CLCF1: variants seen among roughly 807,000 people sequenced by gnomAD.
The protein encoded by CLCF1 is cardiotrophin like cytokine factor 1.
CLCF1 carries 10 observed loss-of-function variants against 21.2 expected under a neutral mutation model. The ratio of observed to expected loss-of-function variants is 0.47; its 90% CI spans 0.29 to 0.80. CLCF1 has a LOEUF of 0.80. Ranked by LOEUF, CLCF1 falls within the 30% of genes least tolerant of loss-of-function variation. The pLI, the probability that CLCF1 is intolerant of heterozygous loss-of-function variation, is 0.09. For synonymous variants in CLCF1, 115 were observed against 120.5 expected (o/e 0.95, Z 0.30); for missense variants, 240 against 293.4 (o/e 0.82, Z 1.33).
At chr11:67,369,426 T>C (rs1430657653) in intron 1 of CLCF1, 2 of 985,400 alleles carry the variant, frequency 2.0e-6, no homozygotes, top group Non-Finnish European at 2.4e-6. Context: ...CCTCTGAGCT[T>C]GTGGCTTCCT....
chr11:67,365,604 G>C lies in CLCF1; in HGVS notation c.210C>G (p.Asn70Lys), dbSNP rs763640141. Residue 70 changes from asparagine to lysine, a missense_variant, in exon 3 of 3, where the codon AAC (asparagine) becomes AAG (lysine). By Grantham distance (94) the Asn-to-Lys change is moderately conservative. Transcript: ENST00000312438. This position sits in a 1 kb window ranked among gnomAD's most constrained non-coding sequence, Gnocchi z 5.0. ...GGCGGGGAGGGTTGAAGTCTGGCTC[G>C]TTGAAAGGGGGGCCCAGGTAGTTCA... ...TYLNYLGPPF[N>K]EPDFNPPRLG... 3 of 1,612,380 alleles carry C rather than the reference G, an allele frequency of 1.9e-6. No individual in the cohort carries two copies. The South Asian group carries it at 3.3e-5, about 18-fold the overall frequency.
Position 67,368,418 on chromosome 11 carries a change from T to C in CLCF1, c.17-792A>G, listed in dbSNP as rs1862162038. 9.1e-6 allele frequency: 9 copies of C among 985,228 alleles called. No individual in the cohort carries two copies. In the South Asian group the frequency reaches 4.2e-4, roughly 46 times the overall value. The allele number at this position is 985,228 out of a possible 1,614,324, so 61.0% of individuals were successfully genotyped here. On this transcript the variant is annotated intron_variant, in intron 1 of 2. Coordinates refer to ENST00000312438, the MANE Select transcript of CLCF1 (RefSeq NM_013246.3). ...GGACAGGAAGGGAGAGAGGTGCATT[T>C]GACGAGTCGGGCTTGTTGGCTGATG...
At position 67,372,337 on chromosome 11, in the gene CLCF1, G is replaced by A. The variant is rs1862254571; in HGVS notation, c.16+1187C>T. ...GGGTCCTCTGGGATTGGGAGGGTCT[G>A]TGGGGAGGGCTCCAGAAGCCCAGCA... On this transcript the variant is annotated intron_variant, in intron 1 of 2. Transcript: ENST00000312438. The surrounding 1 kb of genome is among the most constrained non-coding windows in gnomAD (Gnocchi z 5.9). 6.6e-6 allele frequency among the ~76,000 whole-genome samples: 1 copy of A among 152,108 alleles called. No individual in the cohort carries two copies. Among genetic ancestry groups the A allele is most frequent in the African/African-American group, 2.4e-5 (1 of 41,430 alleles).
chr11:67,373,488 G>T (rs1862281616), intron 1 of CLCF1, 36 bp downstream of exon 1: 12 of 1,133,438 alleles, frequency 1.1e-5, no homozygotes, highest in Non-Finnish European at 4.9e-6. Context: ...CTGCTTGGCG[G>T]GGCGGGGGTC....
At chr11:67,369,077 G>A in intron 1 of CLCF1, 1 of 985,134 alleles carries the variant, frequency 1.0e-6, no homozygotes, top group Non-Finnish European at 1.2e-6. Context: ...TTGGATTCAA[G>A]AAAGAATGAA....
chr11:67,369,457 C>T, intron 1 of CLCF1: 1 of 985,456 alleles, frequency 1.0e-6, no homozygotes, highest in Non-Finnish European at 1.2e-6. Flanking sequence ...GCTTTCCTCA[C>T]TCTTCCTTTC....
In CLCF1 at chr11:67,364,461, A is replaced by C. The variant is rs1387184646; in HGVS notation, c.*675T>G. ...AAGAGGCACCGTAATACTGGAAGAC[A>C]ATTCGAGGCAAGGTCCTGATGCTCA... On this transcript the variant is annotated 3_prime_UTR_variant, in exon 3 of 3. Coordinates refer to ENST00000312438, the MANE Select transcript of CLCF1 (RefSeq NM_013246.3). 1 of 152,690 alleles carries C rather than the reference A, an allele frequency of 6.5e-6. No homozygotes were observed. The highest frequency in any genetic ancestry group is 2.4e-5 in the African/African-American group (1 of 41,416). The allele number at this position is 152,690 out of a possible 1,614,324, so 9.5% of individuals were successfully genotyped here.
chr11:67,370,503 G>A (rs1862206613), intron 1 of CLCF1: 1 of 982,556 alleles, frequency 1.0e-6, no homozygotes. Flanking sequence ...CTGAGCACGT[G>A]AGGAGCTAAC....
At chr11:67,370,279 G>A (rs975350321) in intron 1 of CLCF1, 3 of 985,298 alleles carry the variant, frequency 3.0e-6, no homozygotes, top group Non-Finnish European at 3.6e-6. Context: ...GCCTCCTGAG[G>A]AGAGTGCGTG....
chr11:67,372,992 C>CCTCCGCCCTCCT lies in CLCF1; in HGVS notation c.16+520_16+531dup, dbSNP rs1302425647. ...CCGGCCCAGCCAGGCTCGGCGCTGC[C>CCTCCGCCCTCCT]CTCCGCCCTCCTCTCCGCCGCCCGC... On this transcript the variant is annotated intron_variant, in intron 1 of 2. Transcript: ENST00000312438. The surrounding 1 kb of genome is among the most constrained non-coding windows in gnomAD (Gnocchi z 5.9). Among the ~76,000 whole-genome samples the CCTCCGCCCTCCT allele has an allele frequency of 6.6e-6, 1 of 150,790 alleles. No homozygotes were observed. The highest frequency in any genetic ancestry group is 1.5e-5 in the Non-Finnish European group (1 of 67,498).
At position 67,372,434 on chromosome 11, in the gene CLCF1, T is replaced by C. The variant is rs1862257406; in HGVS notation, c.16+1090A>G. Among the ~76,000 whole-genome samples, 1 of 152,022 alleles carries C rather than the reference T, an allele frequency of 6.6e-6. No individual in the cohort carries two copies. Among genetic ancestry groups the C allele is most frequent in the African/African-American group, 2.4e-5 (1 of 41,426 alleles). ...ACCTCTGGCGAGCCCCGGGGACTCT[T>C]TCGAAGGTTTCCTTCGAGGGGCTCG... On this transcript the variant is annotated intron_variant, in intron 1 of 2. Coordinates refer to ENST00000312438, the MANE Select transcript of CLCF1 (RefSeq NM_013246.3). The surrounding 1 kb of genome is among the most constrained non-coding windows in gnomAD (Gnocchi z 5.9).
intron 1 of CLCF1, chr11:67,371,165 C>T (rs1053321543): frequency 2.7e-6 from 2 of 731,614 alleles, no homozygotes; most frequent in Non-Finnish European, 3.3e-6. Flanking sequence ...CAAAGGCCCA[C>T]AGAAACCCAT....
rs1247858412 is a variant in CLCF1, at chr11:67,372,961, T to TCCGGC, written c.16+558_16+562dup. The stretch of plus-strand genomic sequence containing the variant: ...GAGTCCCGCGGCGCGGCTCGGCCCG[T>TCCGGC]CCGGCCCGGCCCAGCCAGGCTCGGC... On this transcript the variant is annotated intron_variant, in intron 1 of 2. Transcript: ENST00000312438. The surrounding 1 kb of genome is among the most constrained non-coding windows in gnomAD (Gnocchi z 5.9). Among the ~76,000 whole-genome samples, 2 of 148,332 alleles carry TCCGGC rather than the reference T, an allele frequency of 1.3e-5. No individual in the cohort carries two copies. The highest frequency in any genetic ancestry group is 2.5e-5 in the African/African-American group (1 of 40,234).
rs1862059758 is a variant in CLCF1, at chr11:67,364,557, G to A, written c.*579C>T. On this transcript the variant is annotated 3_prime_UTR_variant, in exon 3 of 3. Coordinates refer to ENST00000312438, the MANE Select transcript of CLCF1 (RefSeq NM_013246.3). ...TGGTCTGGTCTGTCCCTGCCCCTGT[G>A]CTTTCAGTATTTTCTCTTCTGGTTT... 1 of 155,876 alleles carries A rather than the reference G, an allele frequency of 6.4e-6. No individual in the cohort carries two copies. Among genetic ancestry groups the A allele is most frequent in the African/African-American group, 2.4e-5 (1 of 41,470 alleles). The allele number at this position is 155,876 out of a possible 1,614,324, so 9.7% of individuals were successfully genotyped here.
In CLCF1 at chr11:67,365,203, C is replaced by T. The variant is rs774130036; in HGVS notation, c.611G>A (p.Arg204Gln). 23 of 1,613,890 alleles carry T rather than the reference C, an allele frequency of 1.4e-5. No homozygotes were observed. The highest frequency in any genetic ancestry group is 1.6e-4 in the Middle Eastern group (1 of 6,084). The change falls in exon 3 of 3, where the codon CGG (arginine) becomes CAG (glutamine). Residue 204 changes from arginine to glutamine, a missense_variant. Arg to Gln is a conservative substitution (Grantham distance 43, BLOSUM62 1). Coordinates refer to ENST00000312438, the MANE Select transcript of CLCF1 (RefSeq NM_013246.3). This position sits in a 1 kb window ranked among gnomAD's most constrained non-coding sequence, Gnocchi z 5.0. ...WLWRSAKDFN[R>Q]LKKKMQPPAA... is the part of the protein sequence containing the mutation. ...TGGAGGCTGCATCTTCTTCTTGAGC[C>T]GGTTGAAGTCCTTGGCCGAGCGCCA...
chr11:67,365,477 G>T lies in CLCF1; in HGVS notation c.337C>A (p.Leu113Ile). The T allele has an allele frequency of 6.2e-7, 1 of 1,614,090 alleles. No homozygotes were observed. Among genetic ancestry groups the T allele is most frequent in the Non-Finnish European group, 8.5e-7 (1 of 1,179,958 alleles). Residue 113 changes from leucine to isoleucine, a missense_variant, in exon 3 of 3, where the codon CTT becomes ATT. By Grantham distance (5) the Leu-to-Ile change is conservative (BLOSUM62 2). Coordinates refer to ENST00000312438, the MANE Select transcript of CLCF1 (RefSeq NM_013246.3). This position sits in a 1 kb window ranked among gnomAD's most constrained non-coding sequence, Gnocchi z 5.0. ...LTQNYEAYSH[L>I]LCYLRGLNRQ... ...TTGAGGCCACGCAAGTAACACAGAAGGTGGCTGTAGGCCTCGTAGTTCTGG... is the reference window on the plus strand; with the variant it reads ...TTGAGGCCACGCAAGTAACACAGAATGTGGCTGTAGGCCTCGTAGTTCTGG...
At chr11:67,370,479 G>A (rs552275963) in intron 1 of CLCF1, 344 of 983,950 alleles carry the variant, frequency 3.5e-4, no homozygotes, top group Non-Finnish European at 4.1e-4. Flanking sequence ...TTCTCTGTGT[G>A]TTTATAAATC....
rs34057094 is a variant in CLCF1, at chr11:67,365,422, C to A, written c.392G>T (p.Arg131Leu). 4 of 1,613,432 alleles carry A rather than the reference C, an allele frequency of 2.5e-6. No homozygotes were observed. Among genetic ancestry groups the A allele is most frequent in the Non-Finnish European group, 3.4e-6 (4 of 1,179,782 alleles). The change falls in exon 3 of 3, where the codon CGC (arginine) becomes CTC (leucine). Residue 131 changes from arginine (R) to leucine (L), a missense_variant. Arg to Leu is a moderately radical substitution (Grantham distance 102). Coordinates refer to ENST00000312438, the MANE Select transcript of CLCF1 (RefSeq NM_013246.3). This position sits in a 1 kb window ranked among gnomAD's most constrained non-coding sequence, Gnocchi z 5.0. ...GCTGGTGCAGAAGTGGGCCAGGCTG[C>A]GGCGCAGCTCAGCAGTGGCAGCCTG... is the stretch of plus-strand genomic sequence containing the variant. ...NRQAATAELR[R>L]SLAHFCTSLQ...
chr11:67,373,986 C>T, upstream of CLCF1: 13 of 848,682 alleles, frequency 1.5e-5, no homozygotes, highest in Non-Finnish European at 1.7e-5. Context: ...CAGGCGTTGG[C>T]CTGGGACACC....
Sources: gnomAD v4.1 joint callset for allele counts (sites outside exome capture counted in the v4.1 genomes callset) on GRCh38, gnomAD v4.1.1 for gene constraint, Gnocchi (gnomAD v3.1) non-coding constraint, MANE v1.5 for transcripts, NCBI Gene and HGNC (gene_info 2026-07-23, HGNC 2026-07-21) for gene names.